SPTB: variants seen among roughly 807,000 people sequenced by gnomAD.
SPTB encodes the protein spectrin beta, erythrocytic, also known as spectrin beta chain, erythrocytic.
A neutral mutation model predicts 256.2 loss-of-function variants in SPTB; 45 were observed. That is an observed-to-expected ratio of 0.18 (90% CI 0.14 to 0.23). The LOEUF is 0.23. SPTB is among the 10% of genes least tolerant of loss of function. The probability of loss-of-function intolerance (pLI) is 1.00; values close to 1 mark genes in which losing one functional copy is unlikely to be tolerated. For synonymous variants in SPTB, 1,231 were observed against 1,243.1 expected (o/e 0.99, Z 0.21); for missense variants, 2,715 against 3,040.4 (o/e 0.89, Z 2.52).
At chr14:64,794,323 C>T in intron 13 of SPTB, 144 bp downstream of exon 13, 2 of 1,193,058 alleles carry the variant, frequency 1.7e-6, no homozygotes, top group Non-Finnish European at 2.4e-6. Context: ...GCTGGTCCCT[C>T]AAGCTTCTTT....
intron 1 of SPTB, among the ~76,000 whole-genome samples, chr14:64,855,474 C>T (rs2139786411): frequency 6.6e-6 from 1 of 152,272 alleles, no homozygotes; most frequent in East Asian, 1.9e-4. Flanking sequence ...AAATATTCAT[C>T]ATCCCTTGTG....
In SPTB at chr14:64,803,776, T is replaced by A. The variant is rs1468904056; in HGVS notation, c.305A>T (p.Lys102Met). The A allele has an allele frequency of 6.2e-7, 1 of 1,609,800 alleles. No individual in the cohort carries two copies. Among genetic ancestry groups the A allele is most frequent in the East Asian group, 2.2e-5 (1 of 44,696 alleles). ...GATGCGCATCTTCCCCTTGGTGGGC[T>A]TTGGCTGGGGGACAGCAGTGGCCCC... is the stretch of plus-strand genomic sequence containing the variant. The part of the protein sequence containing the change: ...LEVLSGEMLP[K>M]PTKGKMRIHC... The change falls in exon 4 of 36, where the codon AAG becomes ATG. Residue 102 changes from lysine to methionine, a missense_variant. By Grantham distance (95) the Lys-to-Met change is moderately conservative. Coordinates refer to ENST00000644917, the MANE Select transcript of SPTB (RefSeq NM_001355436.2).
intron 19 of SPTB, among the ~76,000 whole-genome samples, chr14:64,783,492 G>A (rs1024333492): frequency 5.3e-5 from 8 of 152,152 alleles, no homozygotes; most frequent in Middle Eastern, 3.2e-3. Context: ...GTGAGCCACC[G>A]TGCCTGGCCT....
intron 1 of SPTB, among the ~76,000 whole-genome samples, chr14:64,829,406 T>C (rs957356075): frequency 2.6e-5 from 4 of 152,168 alleles, no homozygotes; most frequent in African/African-American, 9.7e-5. Flanking sequence ...TGCACCTTGT[T>C]TGGATCTTGA....
In SPTB at chr14:64,827,320, G is replaced by A. The variant is rs1043109094; in HGVS notation, c.-51-4175C>T. Among the ~76,000 whole-genome samples, 1 of 152,224 alleles carries A rather than the reference G, an allele frequency of 6.6e-6. No homozygotes were observed. Among genetic ancestry groups the A allele is most frequent in the African/African-American group, 2.4e-5 (1 of 41,458 alleles). On this transcript the variant is annotated intron_variant, in intron 1 of 35. Coordinates refer to ENST00000644917, the MANE Select transcript of SPTB (RefSeq NM_001355436.2). The surrounding 1 kb of genome is among the most constrained non-coding windows in gnomAD (Gnocchi z 4.6). Reference sequence around the variant, plus strand: ...CTACTTCCGAAGTGGGAAACCGGGGGAATACAGGGCAACGCAGGGCTGAGG... The same window carrying A: ...CTACTTCCGAAGTGGGAAACCGGGGAAATACAGGGCAACGCAGGGCTGAGG...
intron 15 of SPTB, among the ~76,000 whole-genome samples, chr14:64,789,999 A>G (rs2082642526): frequency 6.6e-6 from 1 of 152,226 alleles, no homozygotes; most frequent in African/African-American, 2.4e-5. Flanking sequence ...AAGAGGAACC[A>G]GGGTAAGTGT....
rs1237495782 is a variant in SPTB at position 64,827,792 on chromosome 14, C to T, written c.-51-4647G>A. ...CTAGTCTGGCACCTCCATCTGCCTA[C>T]CAGACATTTCCACCTAGAAATTACA... On this transcript the variant is annotated intron_variant, in intron 1 of 35. Transcript: ENST00000644917. This position sits in a 1 kb window ranked among gnomAD's most constrained non-coding sequence, Gnocchi z 4.6. Among the ~76,000 whole-genome samples the T allele has an allele frequency of 2.0e-5, 3 of 152,208 alleles. No homozygotes were observed. Among genetic ancestry groups the T allele is most frequent in the African/African-American group, 7.2e-5 (3 of 41,448 alleles).
In SPTB at chr14:64,760,932, C is replaced by T. The variant is rs2082084563; in HGVS notation, c.6345+5794G>A. On this transcript the variant is annotated intron_variant, in intron 32 of 35. Coordinates refer to ENST00000644917, the MANE Select transcript of SPTB (RefSeq NM_001355436.2). The surrounding 1 kb of genome is among the most constrained non-coding windows in gnomAD (Gnocchi z 4.3). ...CTCCTGCAAGAGAGGAGACCTGTAT[C>T]CTCACTCCAGAGGAAAGCACCTGCC... Among the ~76,000 whole-genome samples, 1 of 152,202 alleles carries T rather than the reference C, an allele frequency of 6.6e-6. No homozygotes were observed. The highest frequency in any genetic ancestry group is 6.5e-5 in the Admixed American group (1 of 15,282).
In SPTB at chr14:64,747,598, T is replaced by G. The variant is rs1489932627; in HGVS notation, c.*1708A>C. On this transcript the variant is annotated 3_prime_UTR_variant, in exon 36 of 36. Transcript: ENST00000644917. ...TAGTGTCAGGGCCACAGGGTGGAAC[T>G]GATTTCTGCCGGCACTGGTCAGCAC... 1 of 152,364 alleles carries G rather than the reference T, an allele frequency of 6.6e-6. No homozygotes were observed. The highest frequency in any genetic ancestry group is 2.4e-5 in the African/African-American group (1 of 41,442). 9.4% of individuals were successfully genotyped at this position (152,364 alleles called of 1,614,324 possible).
In SPTB at chr14:64,796,816, A is replaced by T; in HGVS notation, c.1183-101T>A. On this transcript the variant is annotated intron_variant, in intron 10 of 35. Transcript: ENST00000644917. The surrounding 1 kb of genome is among the most constrained non-coding windows in gnomAD (Gnocchi z 4.1). ...CAACACTGAGTGATTTCTGGAATCAAGGTACAGCCTGATGCTCTTGGGTGA... is the reference window on the plus strand; with the variant it reads ...CAACACTGAGTGATTTCTGGAATCATGGTACAGCCTGATGCTCTTGGGTGA... The T allele has an allele frequency of 6.8e-7, 1 of 1,477,026 alleles. No homozygotes were observed. Among genetic ancestry groups the T allele is most frequent in the East Asian group, 2.3e-5 (1 of 43,942 alleles). 91.5% of individuals were successfully genotyped at this position (1,477,026 alleles called of 1,614,324 possible).
At chr14:64,753,872 T>TCAG (rs2081986177) in intron 32 of SPTB, 79 bp from the exon 33 acceptor site, 7 of 1,578,530 alleles carry the variant, frequency 4.4e-6, no homozygotes, top group Non-Finnish European at 6.0e-6. Flanking sequence ...AATTGGGAGG[T>TCAG]CAGCAGCCAC....
At position 64,801,773 on chromosome 14, in the gene SPTB, C is replaced by A. The variant is rs765367830; in HGVS notation, c.628G>T (p.Ala210Ser). ...TCTTACCGGTGCTTGTGTATCAGGG[C>A]ATTAAAGGCCAAGCCATCCTTCCAG... is the stretch of plus-strand genomic sequence containing the variant. The part of the protein sequence containing the change: ...SSWKDGLAFN[A>S]LIHKHRPDLI... Residue 210 changes from alanine (A) to serine (S), a missense_variant, in exon 6 of 36, where the codon GCC becomes TCC. Ala to Ser is a moderately conservative substitution (Grantham distance 99). This residue lies in a region of SPTB where 416 missense variants were observed against 571.1 expected (regional missense o/e 0.73). Transcript: ENST00000644917. 2 of 1,614,150 alleles carry A rather than the reference C, an allele frequency of 1.2e-6. No homozygotes were observed. The highest frequency in any genetic ancestry group is 2.2e-5 in the East Asian group (1 of 44,882).
rs989546628 is a variant in SPTB at position 64,853,776 on chromosome 14, G to C, written c.-52+26016C>G. The stretch of plus-strand genomic sequence containing the variant: ...AGATGCAGATGTTCTGTGCAGCCCT[G>C]AAGTGTTTGGGAACATTTCTTGTGT... On this transcript the variant is annotated intron_variant, in intron 1 of 35. Coordinates refer to ENST00000644917, the MANE Select transcript of SPTB (RefSeq NM_001355436.2). This position sits in a 1 kb window ranked among gnomAD's most constrained non-coding sequence, Gnocchi z 4.3. Among the ~76,000 whole-genome samples the C allele has an allele frequency of 1.3e-5, 2 of 152,218 alleles. No homozygotes were observed. Among genetic ancestry groups the C allele is most frequent in the African/African-American group, 2.4e-5 (1 of 41,452 alleles).
chr14:64,779,360 A>C lies in SPTB; in HGVS notation c.4474-114T>G. The C allele has an allele frequency of 1.2e-6, 1 of 867,114 alleles. No homozygotes were observed. The highest frequency in any genetic ancestry group is 1.9e-6 in the Non-Finnish European group (1 of 527,598). The allele number at this position is 867,114 out of a possible 1,614,324, so 53.7% of individuals were successfully genotyped here. On this transcript the variant is annotated intron_variant, in intron 21 of 35. Coordinates refer to ENST00000644917, the MANE Select transcript of SPTB (RefSeq NM_001355436.2). The surrounding 1 kb of genome is among the most constrained non-coding windows in gnomAD (Gnocchi z 4.2). ...GGCAGTGTCTCCCCAGTTCCTCCCA[A>C]CACCCCATCAGGGTTTTGCCCCCAT...
chr14:64,877,551 T>G (rs1245749727), intron 1 of SPTB, among the ~76,000 whole-genome samples: 2 of 152,226 alleles, frequency 1.3e-5, no homozygotes, highest in African/African-American at 4.8e-5. Context: ...AGCTACCTTA[T>G]AGAGTTACCA....
At chr14:64,791,601 G>A in intron 15 of SPTB, 118 bp downstream of exon 15, 2 of 555,514 alleles carry the variant, frequency 3.6e-6, no homozygotes, top group Non-Finnish European at 6.4e-6. Flanking sequence ...AGACAGGAAT[G>A]TTGAGGGTAT....
intron 32 of SPTB, chr14:64,763,769 G>A (rs772093028): frequency 7.7e-6 from 4 of 518,906 alleles, no homozygotes; most frequent in South Asian, 1.4e-5. Flanking sequence ...CTGTATGAAC[G>A]GATTGGCCTT....
chr14:64,750,792 A>C (rs2081934343), intron 33 of SPTB, among the ~76,000 whole-genome samples: 1 of 147,810 alleles, frequency 6.8e-6, no homozygotes, highest in Non-Finnish European at 1.5e-5. Flanking sequence ...AAAAGTATAT[A>C]TGTAATATAT....
At chr14:64,765,013 G>C (rs1192142493) in intron 32 of SPTB, among the ~76,000 whole-genome samples, 1 of 130,126 alleles carries the variant, frequency 7.7e-6, no homozygotes, top group Non-Finnish European at 1.7e-5. Flanking sequence ...GGAGGCCACA[G>C]AGGAGTGTGT....
Sources: allele counts gnomAD v4.1 joint callset (sites outside exome capture counted in the v4.1 genomes callset), GRCh38; gene constraint gnomAD v4.1.1; regional missense constraint gnomAD v4.1.1; non-coding constraint Gnocchi (gnomAD v3.1); transcripts MANE v1.5; gene names NCBI Gene and HGNC (gene_info 2026-07-23, HGNC 2026-07-21).